PCDH11X: variants seen among roughly 807,000 people sequenced by gnomAD.
PCDH11X encodes protocadherin 11 X-linked.
PCDH11X carries 18 observed loss-of-function variants against 53.3 expected under a neutral mutation model. The ratio of observed to expected loss-of-function variants is 0.34; its 90% CI spans 0.23 to 0.50. PCDH11X has a LOEUF of 0.50. Ranked by LOEUF, PCDH11X falls within the 20% of genes least tolerant of loss-of-function variation. The pLI is 0.98. For synonymous variants in PCDH11X, 279 were observed against 393.3 expected, an observed-to-expected ratio of 0.71 and a Z score of 3.44; for missense variants, 570 against 1,032.4, an observed-to-expected ratio of 0.55 and a Z score of 6.14.
chrX:92,219,075 C>A (rs2066798303), intron 7 of PCDH11X, among the ~76,000 whole-genome samples: 1 of 110,960 alleles, frequency 9.0e-6, no homozygotes, highest in African/African-American at 3.3e-5. Context: ...CTATGACAAA[C>A]CCATGGCCAA....
intron 10 of PCDH11X, 108 bp downstream of exon 10, chrX:92,468,430 T>C: frequency 1.0e-6 from 1 of 961,783 alleles, no homozygotes; most frequent in South Asian, 3.3e-5. Context: ...TCATAAAACA[T>C]CAACTGTTTG....
intron 8 of PCDH11X, among the ~76,000 whole-genome samples, chrX:92,387,454 A>G (rs1279324998): frequency 8.9e-6 from 1 of 112,225 alleles, no homozygotes; most frequent in African/African-American, 3.2e-5. Flanking sequence ...TTGCTCAAAT[A>G]TGCTATAAAG....
At chrX:91,907,412 C>CACACACACACACACACACAG in intron 6 of PCDH11X, among the ~76,000 whole-genome samples, 1 of 57,469 alleles carries the variant, frequency 1.7e-5, no homozygotes, top group Non-Finnish European at 3.1e-5. Flanking sequence ...CACACACACA[C>CACACACACACACACACACAG]AGAGAGAGAG....
chrX:92,428,598 C>A (rs1475113237), intron 9 of PCDH11X, among the ~76,000 whole-genome samples: 1 of 105,862 alleles, frequency 9.4e-6, no homozygotes, highest in Non-Finnish European at 2.0e-5. Context: ...TATAAAAGTG[C>A]AATTTCTTTT....
intron 8 of PCDH11X, among the ~76,000 whole-genome samples, chrX:92,303,854 T>A (rs1276285816): frequency 3.6e-5 from 4 of 110,121 alleles, no homozygotes; most frequent in African/African-American, 1.3e-4. Flanking sequence ...CATTTATAAC[T>A]GGTGCTCTAC....
At chrX:92,183,985 T>G (rs758953627) in intron 6 of PCDH11X, among the ~76,000 whole-genome samples, 7 of 111,544 alleles carry the variant, frequency 6.3e-5, no homozygotes, top group African/African-American at 2.3e-4. Flanking sequence ...AGACTATTTT[T>G]TTTTTTTGTT....
chrX:91,852,076 C>T lies in PCDH11X; in HGVS notation c.540+16032C>T, dbSNP rs557992619. Among the ~76,000 whole-genome samples, 103 of 100,772 alleles carry T rather than the reference C, an allele frequency of 1.0e-3. 3 individuals are homozygous for T. In the South Asian group the frequency reaches 0.048, roughly 46 times the overall value. The allele number at this position is 100,772 out of a possible 115,157, so 87.5% of individuals were successfully genotyped here. On this transcript the variant is annotated intron_variant, in intron 5 of 10. Transcript: ENST00000682573. ...TTGCCCAGGCTGGAGTGCAATGGCA[C>T]GATCTCGGCTCACTACAACCTCCGC...
At chrX:92,510,724 C>G (rs1275309377) in intron 10 of PCDH11X, among the ~76,000 whole-genome samples, 1 of 110,537 alleles carries the variant, frequency 9.0e-6, no homozygotes, top group Non-Finnish European at 1.9e-5. Context: ...GGTGCATGTT[C>G]TCTTAATAGA....
chrX:92,449,362 C>G (rs1466192172), intron 9 of PCDH11X, among the ~76,000 whole-genome samples: 2 of 111,393 alleles, frequency 1.8e-5, no homozygotes, highest in African/African-American at 6.5e-5. Flanking sequence ...TATTTGTCAC[C>G]ACACTATTCC....
intron 4 of PCDH11X, among the ~76,000 whole-genome samples, chrX:91,814,106 C>G (rs867501640): frequency 1.0e-5 from 1 of 99,593 alleles, no homozygotes; most frequent in Non-Finnish European, 2.2e-5. Flanking sequence ...ATATTTTCAA[C>G]ACAGTGCTGG....
At chrX:91,920,556 C>A (rs2524623) in intron 6 of PCDH11X, among the ~76,000 whole-genome samples, 1 of 110,982 alleles carries the variant, frequency 9.0e-6, no homozygotes, top group Non-Finnish European at 1.9e-5. Context: ...GAGTAAGAGT[C>A]AAGCAGAGAA....
chrX:92,408,558 A>C (rs2148598002), intron 9 of PCDH11X, among the ~76,000 whole-genome samples: 2 of 28,643 alleles, frequency 7.0e-5, no homozygotes, highest in Middle Eastern at 0.023. Flanking sequence ...TTAAAGAAAT[A>C]GTATTTTTTT....
chrX:92,527,275 G>T (rs190493926), intron 10 of PCDH11X, among the ~76,000 whole-genome samples: 41 of 111,122 alleles, frequency 3.7e-4, no homozygotes, highest in Admixed American at 3.5e-3. Context: ...AGTGTAATTG[G>T]ATTGTTTTAA....
rs374647989 is a variant in PCDH11X at position 92,508,491 on chromosome X, A to G, written c.3367+40169A>G. Among the ~76,000 whole-genome samples the G allele has an allele frequency of 2.4e-4, 27 of 110,602 alleles. 1 individual carries two copies. Among genetic ancestry groups the G allele is most frequent in the Admixed American group, 1.4e-3 (14 of 10,361 alleles). On this transcript the variant is annotated intron_variant, in intron 10 of 10. Coordinates refer to ENST00000682573, the MANE Select transcript of PCDH11X (RefSeq NM_032968.5). Reference sequence around the variant, plus strand: ...CTGCCTCAGCCTCCCAAAGTGCTGGAATTACAGGCGTGAGCCACTGTGCCT... The same window carrying G: ...CTGCCTCAGCCTCCCAAAGTGCTGGGATTACAGGCGTGAGCCACTGTGCCT...
intron 7 of PCDH11X, among the ~76,000 whole-genome samples, chrX:92,214,983 G>A (rs1296141414): frequency 8.9e-6 from 1 of 111,748 alleles, no homozygotes; most frequent in East Asian, 2.8e-4. Flanking sequence ...AGGAATTTGA[G>A]GCTGCAGTAA....
chrX:92,217,148 C>T (rs150540778), intron 7 of PCDH11X, among the ~76,000 whole-genome samples: 18,216 of 109,714 alleles, frequency 0.17, 1,304 homozygotes, highest in Admixed American at 0.29. Flanking sequence ...CATCAACTAA[C>T]GAGCAAAATA....
At chrX:92,460,581 T>C (rs971917125) in intron 9 of PCDH11X, 42 of 776,314 alleles carry the variant, frequency 5.4e-5, no homozygotes, top group African/African-American at 3.6e-4. Context: ...TCCTTGGAGA[T>C]CGACCTGGAC....
intron 7 of PCDH11X, among the ~76,000 whole-genome samples, chrX:92,209,258 T>A (rs778724289): frequency 1.8e-5 from 2 of 111,605 alleles, no homozygotes; most frequent in Non-Finnish European, 3.8e-5. Context: ...AAGTCCAAAC[T>A]CTCATCTGAG....
At chrX:91,969,403 T>TAAA (rs11355574) in intron 6 of PCDH11X, among the ~76,000 whole-genome samples, 1 of 102,052 alleles carries the variant, frequency 9.8e-6, no homozygotes. Flanking sequence ...CTTGTTAGAT[T>TAAA]AAAAAAAAAA....
Sources: allele counts gnomAD v4.1 joint callset (sites outside exome capture counted in the v4.1 genomes callset), GRCh38; gene constraint gnomAD v4.1.1; transcripts MANE v1.5; gene names NCBI Gene and HGNC (gene_info 2026-07-23, HGNC 2026-07-21).